Variants in IL1RAPL2 observed in about 807,000 individuals in gnomAD.
IL1RAPL2 encodes the protein interleukin 1 receptor accessory protein like 2.
In IL1RAPL2, 3 loss-of-function variants were observed where a neutral mutation model predicts 44.1. The ratio of observed to expected loss-of-function variants is 0.07; its 90% CI spans 0.03 to 0.18. The LOEUF is 0.18. Ranked by LOEUF, IL1RAPL2 falls within the 10% of genes least tolerant of loss-of-function variation. IL1RAPL2 has a pLI of 1.00. For synonymous variants in IL1RAPL2, 181 were observed against 178.8 expected (o/e 1.01, Z -0.10); for missense variants, 391 against 496.4 (o/e 0.79, Z 2.02).
intron 2 of IL1RAPL2, among the ~76,000 whole-genome samples, chrX:105,051,404 G>T (rs986720652): frequency 8.8e-6 from 1 of 113,014 alleles, no homozygotes; most frequent in Non-Finnish European, 1.9e-5. Context: ...CAGAATGGGT[G>T]GGGCTCCTGC....
intron 2 of IL1RAPL2, among the ~76,000 whole-genome samples, chrX:105,055,611 T>C (rs2031981902): frequency 8.9e-6 from 1 of 112,191 alleles, no homozygotes; most frequent in Non-Finnish European, 1.9e-5. Flanking sequence ...TCTAATCTCA[T>C]CCCATTGGCT....
intron 9 of IL1RAPL2, among the ~76,000 whole-genome samples, 163 bp from the exon 10 acceptor site, chrX:105,755,014 C>G (rs2038625555): frequency 8.9e-6 from 1 of 112,084 alleles, no homozygotes; most frequent in Non-Finnish European, 1.9e-5. Context: ...TCATATATGA[C>G]TAGGTTATTT....
intron 2 of IL1RAPL2, among the ~76,000 whole-genome samples, chrX:104,855,101 T>A (rs893433115): frequency 6.3e-5 from 7 of 111,891 alleles, no homozygotes; most frequent in Non-Finnish European, 1.3e-4. Flanking sequence ...AATTACAGAG[T>A]TTCTCATGCC....
At chrX:105,437,891 A>G (rs1448731577) in intron 5 of IL1RAPL2, among the ~76,000 whole-genome samples, 2 of 111,753 alleles carry the variant, frequency 1.8e-5, no homozygotes, top group Non-Finnish European at 3.8e-5. Context: ...TTTTAGCATG[A>G]CACTTAAGTA....
At chrX:105,326,424 A>G (rs1278552633) in intron 5 of IL1RAPL2, among the ~76,000 whole-genome samples, 1 of 110,792 alleles carries the variant, frequency 9.0e-6, no homozygotes, top group Non-Finnish European at 1.9e-5. Context: ...ACGAAGTCCA[A>G]TTGACCTAAT....
At chrX:105,412,873 A>T (rs1325003460) in intron 5 of IL1RAPL2, among the ~76,000 whole-genome samples, 2 of 112,325 alleles carry the variant, frequency 1.8e-5, no homozygotes, top group Non-Finnish European at 3.8e-5. Flanking sequence ...TTTGGAGTTT[A>T]GCAATTTCTT....
intron 2 of IL1RAPL2, among the ~76,000 whole-genome samples, chrX:104,728,847 G>A (rs1931847078): frequency 9.0e-6 from 1 of 111,549 alleles, no homozygotes; most frequent in Non-Finnish European, 1.9e-5. Context: ...CTCAGTTTGT[G>A]GTACATTGTT....
chrX:105,038,111 G>C (rs1036768542), intron 2 of IL1RAPL2, among the ~76,000 whole-genome samples: 12 of 111,110 alleles, frequency 1.1e-4, no homozygotes, highest in Admixed American at 1.1e-3. Flanking sequence ...CACAAACTCT[G>C]CCCCTCAGAC....
At chrX:105,531,080 T>C (rs1331159081) in intron 6 of IL1RAPL2, among the ~76,000 whole-genome samples, 13 of 112,014 alleles carry the variant, frequency 1.2e-4, no homozygotes, top group Non-Finnish European at 2.3e-4. Flanking sequence ...GTTTCCTTTC[T>C]TTTGAGTTTA....
chrX:105,762,941 A>G (rs2038699719), intron 10 of IL1RAPL2, among the ~76,000 whole-genome samples: 1 of 110,052 alleles, frequency 9.1e-6, no homozygotes, highest in African/African-American at 3.3e-5. Flanking sequence ...ACGTTTTCTG[A>G]AGGTTTCTAA....
chrX:105,000,064 C>A (rs1436091990), intron 2 of IL1RAPL2, among the ~76,000 whole-genome samples: 1 of 108,996 alleles, frequency 9.2e-6, no homozygotes, highest in Non-Finnish European at 1.9e-5. Flanking sequence ...CTTCTTTTTC[C>A]TCTTTCATTT....
intron 2 of IL1RAPL2, among the ~76,000 whole-genome samples, chrX:104,835,657 G>A (rs918556899): frequency 3.6e-5 from 4 of 111,833 alleles, no homozygotes; most frequent in African/African-American, 1.3e-4. Context: ...CCACTTAGAT[G>A]TAATAGAAAT....
intron 2 of IL1RAPL2, among the ~76,000 whole-genome samples, chrX:105,018,855 T>C (rs1396090644): frequency 1.8e-5 from 2 of 111,457 alleles, no homozygotes; most frequent in Non-Finnish European, 3.8e-5. Flanking sequence ...AGGCCCTTGT[T>C]TTTTTCTATT....
In IL1RAPL2 at chrX:105,400,954, C is replaced by G. The variant is rs946811063; in HGVS notation, c.698-83359C>G. Among the ~76,000 whole-genome samples the G allele has an allele frequency of 1.1e-4, 12 of 111,851 alleles. 1 individual carries two copies. In the Middle Eastern group the frequency reaches 0.018, roughly 172 times the overall value. ...AATTCTGGAGGCTGGAAATCTGATA[C>G]TGAGGTACCACCAGGTTTGGTAATT... On this transcript the variant is annotated intron_variant, in intron 5 of 10. Coordinates refer to ENST00000372582, the MANE Select transcript of IL1RAPL2 (RefSeq NM_017416.2).
intron 6 of IL1RAPL2, among the ~76,000 whole-genome samples, chrX:105,693,319 T>C (rs1054302817): frequency 8.9e-6 from 1 of 111,764 alleles, no homozygotes; most frequent in African/African-American, 3.3e-5. Context: ...GGCAGGTACT[T>C]GGGTCATGGG....
intron 5 of IL1RAPL2, among the ~76,000 whole-genome samples, chrX:105,452,530 A>G (rs1355370365): frequency 9.0e-6 from 1 of 111,694 alleles, no homozygotes; most frequent in East Asian, 2.8e-4. Flanking sequence ...GACCTTTTGT[A>G]TGCCAGTCAT....
chrX:104,867,286 CA>C (rs1922645323), intron 2 of IL1RAPL2, among the ~76,000 whole-genome samples: 1 of 94,514 alleles, frequency 1.1e-5, no homozygotes, highest in Non-Finnish European at 2.2e-5. Context: ...ACAACAACAA[CA>C]AAAACAAAGA....
intron 5 of IL1RAPL2, among the ~76,000 whole-genome samples, chrX:105,394,795 T>G (rs747867327): frequency 2.7e-5 from 3 of 111,290 alleles, no homozygotes; most frequent in African/African-American, 9.8e-5. Flanking sequence ...CTATGCTCAT[T>G]CCTACATCCA....
chrX:104,592,540 A>T (rs1345882062), intron 1 of IL1RAPL2, among the ~76,000 whole-genome samples: 2 of 111,360 alleles, frequency 1.8e-5, no homozygotes, highest in African/African-American at 6.5e-5. Context: ...CACATTCTCC[A>T]ATATCCTTTC....
Sources: gnomAD v4.1 joint callset for allele counts (sites outside exome capture counted in the v4.1 genomes callset) on GRCh38, gnomAD v4.1.1 for gene constraint, MANE v1.5 for transcripts, NCBI Gene and HGNC (gene_info 2026-07-23, HGNC 2026-07-21) for gene names.